The following TRHDE variants were observed in gnomAD, a reference collection of about 807,000 sequenced individuals.
TRHDE encodes the protein thyrotropin-releasing hormone-degrading ectoenzyme.
Under a neutral mutation model 125.7 loss-of-function variants are expected in TRHDE, and 72 were observed. The ratio of observed to expected loss-of-function variants is 0.57; its 90% CI spans 0.47 to 0.70. TRHDE has a LOEUF of 0.70. Among genes scored for constraint, TRHDE ranks in the 30% least tolerant of loss-of-function variants. The pLI, the probability that TRHDE is intolerant of heterozygous loss-of-function variation, is 0.00. For missense variants in TRHDE, 1,110 were observed against 1,327.1 expected, an observed-to-expected ratio of 0.84 and a Z score of 2.54; for synonymous variants, 509 against 509.1, an observed-to-expected ratio of 1.00 and a Z score of 0.00.
chr12:72,614,584 CTT>C (rs2136072517), intron 12 of TRHDE, among the ~76,000 whole-genome samples: 1 of 152,068 alleles, frequency 6.6e-6, no homozygotes, highest in South Asian at 2.1e-4. Context: ...GTGACAGTAT[CTT>C]CAGCATATAT....
intron 2 of TRHDE, among the ~76,000 whole-genome samples, chr12:72,304,290 A>G: frequency 6.6e-6 from 1 of 152,256 alleles, no homozygotes; most frequent in Admixed American, 6.5e-5. Flanking sequence ...GTATATTTTG[A>G]ATTTAATATC....
chr12:72,395,354 C>T (rs1031967270), intron 3 of TRHDE, among the ~76,000 whole-genome samples: 6 of 152,068 alleles, frequency 3.9e-5, no homozygotes, highest in Non-Finnish European at 8.8e-5. Context: ...TTCATTGCCC[C>T]CCATTCAGTT....
intron 12 of TRHDE, among the ~76,000 whole-genome samples, chr12:72,618,202 A>C (rs934783301): frequency 2.0e-5 from 3 of 152,112 alleles, no homozygotes; most frequent in Non-Finnish European, 4.4e-5. Context: ...TGTTAAGATA[A>C]TTTTTAAAAG....
intron 2 of TRHDE, among the ~76,000 whole-genome samples, chr12:72,344,486 C>T (rs1870223955): frequency 6.6e-6 from 1 of 151,964 alleles, no homozygotes; most frequent in Non-Finnish European, 1.5e-5. Flanking sequence ...AGATAATGGA[C>T]CAAGATTGGA....
At chr12:72,367,007 A>G (rs1871364548) in intron 2 of TRHDE, among the ~76,000 whole-genome samples, 1 of 151,986 alleles carries the variant, frequency 6.6e-6, no homozygotes, top group South Asian at 2.1e-4. Context: ...TCTTTCTGCA[A>G]TGTGTTTTTG....
At position 72,305,524 on chromosome 12, in the gene TRHDE, C is replaced by T. The variant is rs1022396105; in HGVS notation, c.1188+18570C>T. Among the ~76,000 whole-genome samples, 5 of 152,312 alleles carry T rather than the reference C, an allele frequency of 3.3e-5. 1 individual carries two copies. The highest frequency in any genetic ancestry group is 3.3e-4 in the Admixed American group (5 of 15,302). On this transcript the variant is annotated intron_variant, in intron 2 of 18. Transcript: ENST00000261180. ...CCAGGAGGATTTTGGCTACAAGAAT[C>T]GTTTGCCTCTTCAGTAACAGGTTCT...
At chr12:72,124,935 C>T (rs959507005) in intron 2 of TRHDE, among the ~76,000 whole-genome samples, 2 of 152,112 alleles carry the variant, frequency 1.3e-5, no homozygotes, top group Non-Finnish European at 2.9e-5. Flanking sequence ...AGTAAAGTTA[C>T]TGTAACAAAA....
chr12:72,314,255 CT>C (rs200328776), intron 2 of TRHDE, among the ~76,000 whole-genome samples: 13 of 133,514 alleles, frequency 9.7e-5, no homozygotes, highest in South Asian at 9.6e-4. Flanking sequence ...TTGTCCTTTT[CT>C]TTTTTTTTCC....
At chr12:72,428,751 A>G (rs1874297460) in intron 3 of TRHDE, among the ~76,000 whole-genome samples, 1 of 152,018 alleles carries the variant, frequency 6.6e-6, no homozygotes, top group Non-Finnish European at 1.5e-5. Context: ...AGGAAACCCC[A>G]TTTTCTTCAC....
intron 3 of TRHDE, among the ~76,000 whole-genome samples, chr12:72,380,405 G>A (rs1872087413): frequency 6.6e-6 from 1 of 152,194 alleles, no homozygotes; most frequent in Admixed American, 6.5e-5. Flanking sequence ...AAGTGTGGGG[G>A]ACAGATGGGG....
At chr12:72,362,210 C>T (rs1445024914) in intron 2 of TRHDE, among the ~76,000 whole-genome samples, 44 of 144,752 alleles carry the variant, frequency 3.0e-4, no homozygotes, top group African/African-American at 1.1e-3. Flanking sequence ...TTCTCCACAT[C>T]CTCTCCAGCA....
chr12:72,173,505 T>C (rs1041117578), intron 2 of TRHDE, among the ~76,000 whole-genome samples: 1 of 152,178 alleles, frequency 6.6e-6, no homozygotes, highest in Non-Finnish European at 1.5e-5. Context: ...ACTCTTGAAA[T>C]AGCCTCCCTG....
At chr12:72,430,543 G>A (rs1427155335) in intron 3 of TRHDE, among the ~76,000 whole-genome samples, 1 of 150,810 alleles carries the variant, frequency 6.6e-6, no homozygotes, top group Non-Finnish European at 1.5e-5. Context: ...ACATTGGATT[G>A]TCACTGCATT....
In TRHDE at chr12:72,619,005, A is replaced by G. The variant is rs1193304049; in HGVS notation, c.2436A>G (p.Leu812=). The change falls in exon 13 of 19, where the codon TTA becomes TTG. Residue 812 remains leucine, a synonymous_variant. Transcript: ENST00000261180. ...ASRALYPLDK[L]LDRMENYNIF... ...GAGCTCTTTATCCTCTAGATAAATT[A>G]CTGGACCGCATGGAAAACTACAACA... 1.3e-6 allele frequency: 2 copies of G among 1,578,538 alleles called. No individual in the cohort carries two copies. Among genetic ancestry groups the G allele is most frequent in the East Asian group, 2.3e-5 (1 of 43,936 alleles).
rs996725973 is a variant in TRHDE at position 72,354,876 on chromosome 12, A to G, written c.1189-23119A>G. Among the ~76,000 whole-genome samples, 26 of 151,574 alleles carry G rather than the reference A, an allele frequency of 1.7e-4. No homozygotes were observed. The Middle Eastern group carries it at 0.01, about 59-fold the overall frequency. On this transcript the variant is annotated intron_variant, in intron 2 of 18. Coordinates refer to ENST00000261180, the MANE Select transcript of TRHDE (RefSeq NM_013381.3). ...TACATTCTTTGCCCAGAGGAGCTGTAATCTATTTGGGGAGATTGAGTGAAA... is the reference window on the plus strand; with the variant it reads ...TACATTCTTTGCCCAGAGGAGCTGTGATCTATTTGGGGAGATTGAGTGAAA...
intron 3 of TRHDE, among the ~76,000 whole-genome samples, chr12:72,435,167 C>A (rs754765956): frequency 1.3e-5 from 2 of 152,178 alleles, no homozygotes; most frequent in Non-Finnish European, 1.5e-5. Flanking sequence ...TGAGAAAGCT[C>A]CCAATTTGTA....
chr12:72,424,475 G>C (rs1874099960), intron 3 of TRHDE, among the ~76,000 whole-genome samples: 1 of 152,120 alleles, frequency 6.6e-6, no homozygotes, highest in African/African-American at 2.4e-5. Flanking sequence ...GGCTGCCAGT[G>C]CCTTGCTTTT....
chr12:72,622,326 C>G lies in TRHDE; in HGVS notation c.2675+575C>G, dbSNP rs1159716235. Among the ~76,000 whole-genome samples, 12 of 152,094 alleles carry G rather than the reference C, an allele frequency of 7.9e-5. No individual in the cohort carries two copies. In the South Asian group the frequency reaches 2.5e-3, roughly 32 times the overall value. On this transcript the variant is annotated intron_variant, in intron 15 of 18. Coordinates refer to ENST00000261180, the MANE Select transcript of TRHDE (RefSeq NM_013381.3). ...TAAATTACTTTTAAGGAAAAAAATA[C>G]TGTGCTAAATGTCACTTGTTAATGA...
At chr12:72,176,374 T>G (rs559527810) in intron 2 of TRHDE, among the ~76,000 whole-genome samples, 2 of 152,078 alleles carry the variant, frequency 1.3e-5, no homozygotes, top group East Asian at 3.9e-4. Flanking sequence ...ATGGATGGCT[T>G]GGGAAGGGAA....
Sources: gnomAD v4.1 joint callset for allele counts (sites outside exome capture counted in the v4.1 genomes callset) on GRCh38, gnomAD v4.1.1 for gene constraint, MANE v1.5 for transcripts, NCBI Gene and HGNC (gene_info 2026-07-23, HGNC 2026-07-21) for gene names.